Variants in MRTFB observed in about 807,000 individuals in gnomAD.
MRTFB encodes myocardin related transcription factor B, also known as myocardin-related transcription factor B.
In MRTFB, 29 loss-of-function variants were observed where a neutral mutation model predicts 104.2. That is an observed-to-expected ratio of 0.28 (90% CI 0.21 to 0.38). The LOEUF is 0.38. Ranked by LOEUF, MRTFB falls within the 10% of genes least tolerant of loss-of-function variation. MRTFB has a pLI of 1.00. For synonymous variants in MRTFB, 535 were observed against 519.5 expected, an observed-to-expected ratio of 1.03 and a Z score of -0.41; for missense variants, 1,270 against 1,341.6, an observed-to-expected ratio of 0.95 and a Z score of 0.83.
At chr16:14,213,436 A>T (rs2041281916) in intron 5 of MRTFB, 109 bp from the exon 6 acceptor site, 2 of 682,368 alleles carry the variant, frequency 2.9e-6, no homozygotes, top group Non-Finnish European at 4.7e-6. Context: ...CTTCGTCTCA[A>T]ACACATGACC....
chr16:14,246,701 C>T lies in MRTFB; in HGVS notation c.1441C>T (p.Leu481Phe), dbSNP rs1343863582. The change falls in exon 12 of 17, where the codon CTC becomes TTC. Residue 481 changes from leucine (L) to phenylalanine (F), a missense_variant. Physicochemically the swap from Leu to Phe is conservative, Grantham distance 22. Transcript: ENST00000571589. ...CACTGTGACTAGCTCAGTCTCTACT[C>T]TCAAGGCAGAATTGCCACCTACAGG... ...HNTVTSSVST[L>F]KAELPPTGTS... 9 of 1,614,094 alleles carry T rather than the reference C, an allele frequency of 5.6e-6. 1 individual carries two copies. Among genetic ancestry groups the T allele is most frequent in the Non-Finnish European group, 6.8e-6 (8 of 1,180,054 alleles).
chr16:14,008,690 G>A, the MRTFB span, among the ~76,000 whole-genome samples: 1 of 152,076 alleles, frequency 6.6e-6, no homozygotes, highest in Admixed American at 6.6e-5. Flanking sequence ...ATGAATTTTA[G>A]GATTGGTTTG....
chr16:14,100,809 T>C (rs1382915609), intron 2 of MRTFB, among the ~76,000 whole-genome samples: 1 of 152,232 alleles, frequency 6.6e-6, no homozygotes, highest in African/African-American at 2.4e-5. Flanking sequence ...GTAGTATCTT[T>C]CAAGGAATTT....
chr16:14,150,598 A>T (rs1325242467), intron 3 of MRTFB, among the ~76,000 whole-genome samples: 2 of 152,204 alleles, frequency 1.3e-5, no homozygotes, highest in African/African-American at 4.8e-5. Flanking sequence ...CTGTAGTGCC[A>T]GCTATTCAGG....
In MRTFB at chr16:14,247,419, C is replaced by T. The variant is rs1423171592; in HGVS notation, c.2159C>T (p.Thr720Met). The T allele has an allele frequency of 9.3e-6, 15 of 1,611,388 alleles. No individual in the cohort carries two copies. In the African/African-American group the frequency reaches 1.1e-4, roughly 11 times the overall value. ...GCTCAGCCCCAGGCTTTACTGACCA[C>T]GCAGACTGCTCAGCTGCTGCTCCCA... is the stretch of plus-strand genomic sequence containing the variant. Reference protein sequence around the residue: ...VVAQPQALLTTQTAQLLLPVS... With the variant: ...VVAQPQALLTMQTAQLLLPVS... Residue 720 changes from threonine to methionine, a missense_variant, in exon 12 of 17, where the codon ACG (threonine) becomes ATG (methionine). Thr to Met is a moderately conservative substitution (Grantham distance 81). This residue lies in a region of MRTFB where 1,144 missense variants were observed against 1,131.5 expected (regional missense o/e 1.01). Coordinates refer to ENST00000571589, the MANE Select transcript of MRTFB (RefSeq NM_001308142.2).
chr16:14,120,122 ATTTTCTTTTGTATGT>A (rs2036767499), intron 2 of MRTFB, among the ~76,000 whole-genome samples: 1 of 151,460 alleles, frequency 6.6e-6, no homozygotes, highest in Non-Finnish European at 1.5e-5. Context: ...GGCTTGTCAG[ATTTTCTTTTGTATGT>A]TCTTTTTCTT....
At chr16:14,155,749 T>G (rs1008711127) in intron 3 of MRTFB, among the ~76,000 whole-genome samples, 2 of 152,152 alleles carry the variant, frequency 1.3e-5, no homozygotes, top group Admixed American at 6.5e-5. Flanking sequence ...TGGTTGCAGT[T>G]CGAACGTTTC....
chr16:14,041,265 C>T, the MRTFB span, among the ~76,000 whole-genome samples: 1 of 152,214 alleles, frequency 6.6e-6, no homozygotes, highest in Non-Finnish European at 1.5e-5. Flanking sequence ...GAACTATACT[C>T]ACATTGTTAT....
At chr16:14,204,392 G>A (rs539083780) in intron 3 of MRTFB, among the ~76,000 whole-genome samples, 40 of 152,204 alleles carry the variant, frequency 2.6e-4, no homozygotes, top group East Asian at 9.6e-4. Flanking sequence ...TGGAAAACCC[G>A]CTAGACAAAT....
chr16:14,033,010 CTTTGTAGT>C, the MRTFB span, among the ~76,000 whole-genome samples: 12,759 of 151,890 alleles, frequency 0.084, 572 homozygotes, highest in Non-Finnish European at 0.092. Context: ...GTTTGTTTCC[CTTTGTAGT>C]TTTTTTTTTA....
upstream of MRTFB, among the ~76,000 whole-genome samples, chr16:14,069,393 G>A (rs1344995332): frequency 6.6e-6 from 1 of 152,252 alleles, no homozygotes; most frequent in African/African-American, 2.4e-5. Context: ...CTGCGACTGA[G>A]CTATGTCACC....
chr16:14,110,313 G>A (rs953980482), intron 2 of MRTFB, among the ~76,000 whole-genome samples: 19 of 152,302 alleles, frequency 1.2e-4, no homozygotes, highest in Admixed American at 5.2e-4. Flanking sequence ...TTGACAGTGC[G>A]AGTTTAGGCC....
chr16:14,153,272 A>G (rs956192216), intron 3 of MRTFB: 1 of 152,224 alleles, frequency 6.6e-6, no homozygotes, highest in South Asian at 2.1e-4. Flanking sequence ...CAAGCCAAGA[A>G]TAACAGTGAT....
At chr16:14,239,469 T>C (rs2042666808) in intron 9 of MRTFB, among the ~76,000 whole-genome samples, 1 of 152,252 alleles carries the variant, frequency 6.6e-6, no homozygotes, top group South Asian at 2.1e-4. Flanking sequence ...TTGTATTAAG[T>C]TGGGTATGTT....
chr16:14,258,025 C>A, intron 15 of MRTFB, 76 bp from the exon 16 acceptor site: 2 of 1,231,286 alleles, frequency 1.6e-6, no homozygotes, highest in Admixed American at 1.7e-5. Context: ...TCTAGAAAGT[C>A]CCTTAGGACT....
Position 14,247,188 on chromosome 16 carries a change from C to G in MRTFB, c.1928C>G (p.Ser643Ter). The G allele has an allele frequency of 6.2e-7, 1 of 1,614,154 alleles. No individual in the cohort carries two copies. The highest frequency in any genetic ancestry group is 8.5e-7 in the Non-Finnish European group (1 of 1,180,026). ...SLGSSIKDEA[S>*]LPDCSSSRQP... The stretch of plus-strand genomic sequence containing the variant: ...GGCTCCTCCATCAAAGATGAGGCCT[C>G]ACTCCCTGACTGCTCCAGCTCCAGG... The change falls in exon 12 of 17, where the codon TCA (serine) becomes TGA (stop). Residue 643 changes from serine (S) to a stop codon, truncating the protein, a stop_gained. Coordinates refer to ENST00000571589, the MANE Select transcript of MRTFB (RefSeq NM_001308142.2). LOFTEE classifies it high-confidence loss of function.
At chr16:14,091,811 A>G (rs1459377888) in intron 2 of MRTFB, among the ~76,000 whole-genome samples, 1 of 152,030 alleles carries the variant, frequency 6.6e-6, no homozygotes, top group Non-Finnish European at 1.5e-5. Context: ...CCTAACCAAC[A>G]TGGTAAAACC....
chr16:14,140,885 T>C, intron 3 of MRTFB, 125 bp downstream of exon 3: 1 of 967,348 alleles, frequency 1.0e-6, no homozygotes, highest in Non-Finnish European at 1.5e-6. Context: ...GAGAACCCTG[T>C]AGAGGTACTG....
At chr16:14,086,499 C>A (rs1422159785) in intron 2 of MRTFB, among the ~76,000 whole-genome samples, 1 of 152,176 alleles carries the variant, frequency 6.6e-6, no homozygotes, top group Non-Finnish European at 1.5e-5. Flanking sequence ...TAAATGTAGG[C>A]AGACTTGAAA....
Sources: allele counts gnomAD v4.1 joint callset (sites outside exome capture counted in the v4.1 genomes callset), GRCh38; gene constraint gnomAD v4.1.1; regional missense constraint gnomAD v4.1.1; transcripts MANE v1.5; gene names NCBI Gene and HGNC (gene_info 2026-07-23, HGNC 2026-07-21).